FRYL: variants seen among roughly 807,000 people sequenced by gnomAD.
FRYL encodes protein furry homolog-like.
In FRYL, 150 loss-of-function variants were observed where a neutral mutation model predicts 351.2. The observed-to-expected ratio is 0.43, with a 90% CI of 0.37 to 0.49. The LOEUF is 0.49. Ranked by LOEUF, FRYL falls within the 20% of genes least tolerant of loss-of-function variation. FRYL has a pLI of 0.00. For missense variants in FRYL, 3,036 were observed against 3,619.3 expected, an observed-to-expected ratio of 0.84 and a Z score of 4.13; for synonymous variants, 1,153 against 1,257.1, an observed-to-expected ratio of 0.92 and a Z score of 1.75.
Position 48,748,720 on chromosome 4 carries a change from G to A in FRYL, c.-384+31358C>T, listed in dbSNP as rs549463469. Among the ~76,000 whole-genome samples the A allele has an allele frequency of 3.3e-5, 5 of 152,326 alleles. No homozygotes were observed. In the South Asian group the frequency reaches 1.0e-3, roughly 32 times the overall value. On this transcript the variant is annotated intron_variant, in intron 1 of 63. Transcript: ENST00000358350. ...AGATGTATCAATGAACAAAACAGAT[G>A]CAAAATCCTGCCCTCATGAAGCCCA...
intron 47 of FRYL, among the ~76,000 whole-genome samples, chr4:48,539,744 CAG>C (rs1195211158): frequency 6.6e-5 from 10 of 152,164 alleles, no homozygotes; most frequent in Admixed American, 3.3e-4. Flanking sequence ...GACTCAGACT[CAG>C]AGGAGTGTTA....
intron 3 of FRYL, among the ~76,000 whole-genome samples, chr4:48,635,130 G>A (rs1753963733): frequency 6.6e-6 from 1 of 152,172 alleles, no homozygotes; most frequent in South Asian, 2.1e-4. Context: ...ATGAGATAAG[G>A]TCAGAATCAG....
At chr4:48,593,375 G>A (rs774133148) in intron 16 of FRYL, among the ~76,000 whole-genome samples, 3 of 149,806 alleles carry the variant, frequency 2.0e-5, no homozygotes, top group South Asian at 2.1e-4. Flanking sequence ...ACAGAGTTTC[G>A]CTCTTATTGC....
intron 1 of FRYL, among the ~76,000 whole-genome samples, chr4:48,749,185 A>G (rs549838264): frequency 6.6e-6 from 1 of 152,328 alleles, no homozygotes; most frequent in South Asian, 2.1e-4. Context: ...AGGTAATGTG[A>G]TCCACCATAC....
chr4:48,750,460 C>T (rs1560352778), intron 1 of FRYL, among the ~76,000 whole-genome samples: 1 of 150,496 alleles, frequency 6.6e-6, no homozygotes, highest in African/African-American at 2.4e-5. Context: ...GATCCCATCT[C>T]AAAAAAAATA....
intron 2 of FRYL, among the ~76,000 whole-genome samples, chr4:48,695,721 A>C (rs1317113844): frequency 1.3e-5 from 2 of 152,194 alleles, no homozygotes; most frequent in Non-Finnish European, 2.9e-5. Context: ...ATCAAAAGAA[A>C]CTACCATCAG....
Position 48,510,738 on chromosome 4 carries a change from T to C in FRYL, c.8295+97A>G, listed in dbSNP as rs1722298016. On this transcript the variant is annotated intron_variant, in intron 58 of 63. Coordinates refer to ENST00000358350, the MANE Select transcript of FRYL (RefSeq NM_015030.2). ...ATAATCATGTTGAAAATACGAACCT[T>C]TATACCATAAAATTCAGAATTACTT... is the stretch of plus-strand genomic sequence containing the variant. 3.1e-6 allele frequency: 3 copies of C among 971,234 alleles called. No homozygotes were observed. The Admixed American group carries it at 6.5e-5, about 21-fold the overall frequency. The allele number at this position is 971,234 out of a possible 1,614,324, so 60.2% of individuals were successfully genotyped here.
intron 32 of FRYL, among the ~76,000 whole-genome samples, chr4:48,562,331 A>T (rs1449352389): frequency 1.3e-5 from 2 of 152,194 alleles, no homozygotes; most frequent in African/African-American, 4.8e-5. Flanking sequence ...ATCTACTGGC[A>T]TCAGAACCAC....
chr4:48,664,990 T>A (rs536646013), intron 3 of FRYL, among the ~76,000 whole-genome samples: 1 of 152,130 alleles, frequency 6.6e-6, no homozygotes, highest in African/African-American at 2.4e-5. Flanking sequence ...TATAAGTGGG[T>A]TTCTAAAAAA....
At chr4:48,676,012 T>G (rs1225445718) in intron 3 of FRYL, among the ~76,000 whole-genome samples, 1 of 152,140 alleles carries the variant, frequency 6.6e-6, no homozygotes, top group East Asian at 1.9e-4. Context: ...AAACTCTGTA[T>G]CTAACTAATC....
intron 34 of FRYL, 38 bp downstream of exon 34, chr4:48,557,415 A>G: frequency 6.2e-7 from 1 of 1,610,188 alleles, no homozygotes; most frequent in Non-Finnish European, 8.5e-7. Context: ...TCACTCAATA[A>G]TTCTGTGCAG....
At chr4:48,592,287 G>A (rs1743575331) in intron 16 of FRYL, among the ~76,000 whole-genome samples, 1 of 151,766 alleles carries the variant, frequency 6.6e-6, no homozygotes, top group Non-Finnish European at 1.5e-5. Context: ...CATTCTTTCA[G>A]TGTATTGCAA....
At chr4:48,732,999 G>A (rs1191014667) in intron 1 of FRYL, among the ~76,000 whole-genome samples, 2 of 151,994 alleles carry the variant, frequency 1.3e-5, no homozygotes, top group Admixed American at 6.5e-5. Flanking sequence ...GAAAAGGCCG[G>A]GTGTGGTGGC....
intron 55 of FRYL, among the ~76,000 whole-genome samples, chr4:48,517,903 TA>T (rs577190492): frequency 6.6e-6 from 1 of 152,234 alleles, no homozygotes; most frequent in African/African-American, 2.4e-5. Flanking sequence ...GAAGTTGCCT[TA>T]AAAATAATTA....
At chr4:48,675,938 G>C (rs1165769695) in intron 3 of FRYL, among the ~76,000 whole-genome samples, 1 of 152,332 alleles carries the variant, frequency 6.6e-6, no homozygotes, top group Admixed American at 6.5e-5. Flanking sequence ...AGGTTTGTGA[G>C]TGCACCAATC....
intron 4 of FRYL, among the ~76,000 whole-genome samples, chr4:48,624,865 C>CGG (rs1751448792): frequency 6.6e-6 from 1 of 152,244 alleles, no homozygotes. Flanking sequence ...AAGAGGTGAC[C>CGG]TTCCCATAAG....
chr4:48,616,439 A>G, intron 7 of FRYL, among the ~76,000 whole-genome samples: 1 of 152,156 alleles, frequency 6.6e-6, no homozygotes, highest in East Asian at 1.9e-4. Flanking sequence ...GCGTTATTAT[A>G]TTTAATTCTT....
intron 26 of FRYL, among the ~76,000 whole-genome samples, chr4:48,572,790 C>G (rs1375714188): frequency 1.3e-5 from 2 of 152,220 alleles, no homozygotes; most frequent in African/African-American, 4.8e-5. Context: ...TGGCCCACTG[C>G]TACCTGTCGC....
chr4:48,777,716 T>C (rs1338055122), intron 1 of FRYL, among the ~76,000 whole-genome samples: 1 of 152,210 alleles, frequency 6.6e-6, no homozygotes, highest in African/African-American at 2.4e-5. Context: ...TTTAAATAAA[T>C]TGGTAAGTAA....
Sources: allele counts gnomAD v4.1 joint callset (sites outside exome capture counted in the v4.1 genomes callset), GRCh38; gene constraint gnomAD v4.1.1; transcripts MANE v1.5; gene names NCBI Gene and HGNC (gene_info 2026-07-23, HGNC 2026-07-21).